PIR: variants seen among roughly 807,000 people sequenced by gnomAD.
PIR encodes the protein pirin.
A neutral mutation model predicts 24.2 loss-of-function variants in PIR; 22 were observed. The ratio of observed to expected loss-of-function variants is 0.91; its 90% CI spans 0.65 to 1.30. The LOEUF (loss-of-function observed/expected upper bound fraction) is 1.30, where lower values mean the gene tolerates loss of function less well. Among genes scored for constraint, PIR ranks in the 50% most tolerant of loss-of-function variants. The pLI, the probability that PIR is intolerant of heterozygous loss-of-function variation, is 0.00. For missense variants in PIR, 220 were observed against 220.3 expected (o/e 1.00, Z 0.01); for synonymous variants, 80 against 79.6 (o/e 1.00, Z -0.03).
chrX:15,448,105 C>T (rs1471499315), intron 5 of PIR, among the ~76,000 whole-genome samples: 5 of 112,079 alleles, frequency 4.5e-5, no homozygotes, highest in African/African-American at 1.6e-4. Context: ...ACATCTGGCA[C>T]CCTTTGTGCA....
At chrX:15,427,294 T>C (rs768237040) in intron 5 of PIR, among the ~76,000 whole-genome samples, 55 of 111,755 alleles carry the variant, frequency 4.9e-4, no homozygotes, top group African/African-American at 1.5e-3. Context: ...GCTGCTTTTA[T>C]GAGTGTGTTT....
intron 3 of PIR, among the ~76,000 whole-genome samples, chrX:15,467,194 T>C (rs1248033561): frequency 1.8e-5 from 2 of 112,566 alleles, no homozygotes; most frequent in Non-Finnish European, 3.7e-5. Flanking sequence ...TGATCACCTA[T>C]ATATTACTGA....
In PIR at chrX:15,409,095, CTTTTTTTTTTTT is replaced by C. The variant is rs11308485; in HGVS notation, c.566-1557_566-1546del. ...ATTCATAGCTTACTCGTTTTTCTCC[CTTTTTTTTTTTT>C]TTTTTTTTTGAGACGGAGTCTCACT... On this transcript the variant is annotated intron_variant, in intron 6 of 9. Coordinates refer to ENST00000380420, the MANE Select transcript of PIR (RefSeq NM_001018109.3). 9.0e-3 allele frequency among the ~76,000 whole-genome samples: 542 copies of C among 60,435 alleles called. 6 individuals are homozygous for C. Among genetic ancestry groups the C allele is most frequent in the African/African-American group, 0.033 (506 of 15,331 alleles). The allele number at this position is 60,435 out of a possible 115,157, so 52.5% of individuals were successfully genotyped here.
At chrX:15,458,036 T>G (rs948234896) in intron 4 of PIR, among the ~76,000 whole-genome samples, 4 of 112,556 alleles carry the variant, frequency 3.6e-5, no homozygotes, top group Middle Eastern at 4.2e-3. Context: ...AAACACCCTC[T>G]TATGCTGCAT....
intron 9 of PIR, among the ~76,000 whole-genome samples, chrX:15,387,998 A>G (rs145520836): frequency 0.014 from 1,581 of 111,816 alleles, 24 homozygotes; most frequent in African/African-American, 0.05. Flanking sequence ...ACAGGGAAGC[A>G]TTGGAAGCTT....
chrX:15,462,092 A>G (rs1309791250), intron 3 of PIR, among the ~76,000 whole-genome samples: 2 of 111,986 alleles, frequency 1.8e-5, no homozygotes, highest in South Asian at 7.4e-4. Flanking sequence ...ACTTGCATCA[A>G]CTCTAAAAAG....
chrX:15,456,929 G>A (rs1182690987), intron 4 of PIR, among the ~76,000 whole-genome samples: 1 of 112,524 alleles, frequency 8.9e-6, no homozygotes, highest in Non-Finnish European at 1.9e-5. Context: ...ATGAAGGTAT[G>A]AACATCATAG....
intron 5 of PIR, among the ~76,000 whole-genome samples, chrX:15,448,162 G>C (rs1321147167): frequency 8.9e-6 from 1 of 112,274 alleles, no homozygotes; most frequent in African/African-American, 3.2e-5. Flanking sequence ...CTGGGCAAGA[G>C]GAAGCTTTTG....
At chrX:15,465,498 C>T (rs970828167) in intron 3 of PIR, among the ~76,000 whole-genome samples, 9 of 111,679 alleles carry the variant, frequency 8.1e-5, no homozygotes, top group African/African-American at 2.0e-4. Flanking sequence ...GGAGAATTGC[C>T]GTGGGTGGCT....
intron 5 of PIR, among the ~76,000 whole-genome samples, chrX:15,443,858 C>T (rs1213792097): frequency 8.9e-6 from 1 of 111,901 alleles, no homozygotes; most frequent in Non-Finnish European, 1.9e-5. Context: ...AGAAGTGGAG[C>T]CTGAAGATGT....
intron 2 of PIR, among the ~76,000 whole-genome samples, chrX:15,484,672 C>G (rs1383673551): frequency 4.5e-5 from 5 of 111,141 alleles, no homozygotes; most frequent in Non-Finnish European, 9.4e-5. Flanking sequence ...GAAATATGGA[C>G]AGTAAAGGCC....
intron 7 of PIR, among the ~76,000 whole-genome samples, chrX:15,401,282 C>T (rs1046214195): frequency 9.3e-6 from 1 of 107,780 alleles, no homozygotes; most frequent in Non-Finnish European, 1.9e-5. Context: ...GTCTCAAACT[C>T]CTAGGCTCAA....
chrX:15,407,647 G>A (rs772848756), intron 6 of PIR, 97 bp from the exon 7 acceptor site: 63 of 647,642 alleles, frequency 9.7e-5, no homozygotes, highest in East Asian at 5.9e-4. Flanking sequence ...ATTTGGAGAC[G>A]AAATCCTTTT....
At chrX:15,416,601 C>T (rs1382930408) in intron 6 of PIR, among the ~76,000 whole-genome samples, 1 of 111,800 alleles carries the variant, frequency 8.9e-6, no homozygotes, top group Non-Finnish European at 1.9e-5. Flanking sequence ...CCGTATTGCC[C>T]TATATAATTC....
chrX:15,460,425 T>A (rs1244537372), intron 3 of PIR, among the ~76,000 whole-genome samples: 1 of 111,498 alleles, frequency 9.0e-6, no homozygotes, highest in African/African-American at 3.3e-5. Context: ...TAAGTAAATC[T>A]TGCCATTTTC....
At chrX:15,479,276 A>G (rs751845149) in intron 3 of PIR, among the ~76,000 whole-genome samples, 2 of 110,807 alleles carry the variant, frequency 1.8e-5, no homozygotes, top group Non-Finnish European at 3.8e-5. Flanking sequence ...TGGAGTTTAT[A>G]ATATTACAGG....
At chrX:15,389,342 T>C (rs954061682) in intron 9 of PIR, among the ~76,000 whole-genome samples, 1 of 111,551 alleles carries the variant, frequency 9.0e-6, no homozygotes, top group Non-Finnish European at 1.9e-5. Context: ...AATTTAATGT[T>C]CCCCCTGAAG....
chrX:15,385,795 G>C (rs891080547), intron 9 of PIR, among the ~76,000 whole-genome samples: 2 of 112,092 alleles, frequency 1.8e-5, no homozygotes, highest in Non-Finnish European at 3.8e-5. Context: ...AAAGTGAATA[G>C]GTATGGCTGT....
chrX:15,416,110 C>T (rs1303661319), intron 6 of PIR, among the ~76,000 whole-genome samples: 1 of 111,615 alleles, frequency 9.0e-6, no homozygotes, highest in Non-Finnish European at 1.9e-5. Flanking sequence ...TGTTAAACTT[C>T]TTCCTGAATA....
Sources: allele counts gnomAD v4.1 joint callset (sites outside exome capture counted in the v4.1 genomes callset), GRCh38; gene constraint gnomAD v4.1.1; transcripts MANE v1.5; gene names NCBI Gene and HGNC (gene_info 2026-07-23, HGNC 2026-07-21).